Variants in DLD observed in about 807,000 individuals in gnomAD.
DLD encodes the protein dihydrolipoyl dehydrogenase, mitochondrial.
Under a neutral mutation model 62.2 loss-of-function variants are expected in DLD, and 36 were observed. The observed-to-expected ratio is 0.58, with a 90% CI of 0.44 to 0.76. DLD has a LOEUF of 0.76. Among genes scored for constraint, DLD ranks in the 30% least tolerant of loss-of-function variants. The probability of loss-of-function intolerance (pLI) is 0.00; values close to 1 mark genes in which losing one functional copy is unlikely to be tolerated. For missense variants in DLD, 541 were observed against 608.6 expected, an observed-to-expected ratio of 0.89 and a Z score of 1.17; for synonymous variants, 204 against 199.6, an observed-to-expected ratio of 1.02 and a Z score of -0.19.
At chr7:107,917,862 T>G in intron 11 of DLD, 62 bp from the exon 12 acceptor site, 1 of 1,605,944 alleles carries the variant, frequency 6.2e-7, no homozygotes, top group Non-Finnish European at 8.5e-7. Context: ...GGTAGATGAT[T>G]TTACAAATTG....
chr7:107,892,767 C>G (rs902380978), intron 1 of DLD, among the ~76,000 whole-genome samples: 1 of 152,046 alleles, frequency 6.6e-6, no homozygotes, highest in African/African-American at 2.4e-5. Context: ...AGGCTGGTCT[C>G]GAACTCCTGA....
At chr7:107,891,145 AC>A (rs2031555564), upstream of DLD, 1 of 1,414,342 alleles carries the variant, frequency 7.1e-7, no homozygotes, top group Admixed American at 1.8e-5. Flanking sequence ...CCGGGTGATG[AC>A]GTAGGCTGCG....
intron 4 of DLD, 128 bp downstream of exon 4, chr7:107,902,521 G>A: frequency 2.4e-6 from 2 of 828,134 alleles, no homozygotes; most frequent in African/African-American, 1.7e-5. Flanking sequence ...ATTTCACACA[G>A]AGAAAAAAAA....
At chr7:107,917,817 C>A in intron 11 of DLD, 107 bp from the exon 12 acceptor site, 1 of 1,459,738 alleles carries the variant, frequency 6.9e-7, no homozygotes, top group Non-Finnish European at 9.6e-7. Context: ...GCTTTGCGAA[C>A]AATTCCCTTC....
chr7:107,905,107 A>C, intron 6 of DLD, 49 bp downstream of exon 6: 1 of 1,344,026 alleles, frequency 7.4e-7, no homozygotes, highest in African/African-American at 1.4e-5. Flanking sequence ...TACAAATTAA[A>C]CTTTGCATTA....
chr7:107,891,536 G>A (rs1460261057), intron 1 of DLD: 4 of 600,524 alleles, frequency 6.7e-6, no homozygotes, highest in Non-Finnish European at 1.2e-5. Context: ...GTGACGGCCG[G>A]CGGTCACACA....
At chr7:107,893,126 T>C (rs756164521) in intron 1 of DLD, 74 bp from the exon 2 acceptor site, 16 of 1,276,270 alleles carry the variant, frequency 1.3e-5, no homozygotes, top group Non-Finnish European at 1.8e-5. Flanking sequence ...AAAATTGTTC[T>C]GTTATCATCA....
chr7:107,898,825 C>T lies in DLD; in HGVS notation c.119-2913C>T, dbSNP rs186143854. Among the ~76,000 whole-genome samples the T allele has an allele frequency of 5.7e-3, 865 of 151,784 alleles. 6 individuals are homozygous for T. Among genetic ancestry groups the T allele is most frequent in the Non-Finnish European group, 7.2e-3 (489 of 67,924 alleles). ...TCCTGACCTCGTGATCCGCCTGCCT[C>T]GGCCTCCCAAAGTGCTGAGGATTAC... On this transcript the variant is annotated intron_variant, in intron 2 of 13. Coordinates refer to ENST00000205402, the MANE Select transcript of DLD (RefSeq NM_000108.5).
At chr7:107,903,320 G>T (rs761240576) in intron 4 of DLD, among the ~76,000 whole-genome samples, 158 bp from the exon 5 acceptor site, 5 of 152,212 alleles carry the variant, frequency 3.3e-5, no homozygotes, top group Non-Finnish European at 7.3e-5. Context: ...GGAGGTTGCG[G>T]TGAGCTGAGA....
At chr7:107,914,146 T>C (rs928736462) in intron 8 of DLD, among the ~76,000 whole-genome samples, 2 of 152,148 alleles carry the variant, frequency 1.3e-5, no homozygotes, top group Non-Finnish European at 2.9e-5. Context: ...TAGATTTCTC[T>C]AATGACTTAC....
Position 107,907,204 on chromosome 7 carries a change from G to A in DLD, c.684+836G>A, listed in dbSNP as rs117932387. ...TATCTGCTTGGCAAAACTCTAGTTC[G>A]GTTTGAATGCAGCAGTCTGCCTTTT... On this transcript the variant is annotated intron_variant, in intron 8 of 13. Transcript: ENST00000205402. Among the ~76,000 whole-genome samples the A allele has an allele frequency of 7.8e-4, 119 of 152,190 alleles. No homozygotes were observed. In the East Asian group the frequency reaches 0.017, roughly 22 times the overall value.
rs765771763 is a variant in DLD at position 107,917,917 on chromosome 7, G to A, written c.1237-7G>A. The A allele has an allele frequency of 5.0e-6, 8 of 1,613,868 alleles. No homozygotes were observed. Among genetic ancestry groups the A allele is most frequent in the Non-Finnish European group, 6.8e-6 (8 of 1,179,852 alleles). ...TTACGTAGATTCTTTTTTTCTGACT[G>A]TCACAGGGTATTGAGTACAAAGTTG... On this transcript the variant is annotated splice_polypyrimidine_tract_variant and splice_region_variant and intron_variant, in intron 11 of 13. Transcript: ENST00000205402.
Position 107,905,076 on chromosome 7 carries a change from A to G in DLD, c.438+18A>G. ...AGAATAAGGTCAGTGTTTAATATTC[A>G]GATTTCTGCTTTACTTTGAATACAA... On this transcript the variant is annotated intron_variant, in intron 6 of 13. Transcript: ENST00000205402. The G allele has an allele frequency of 6.5e-7, 1 of 1,541,618 alleles. No individual in the cohort carries two copies. Among genetic ancestry groups the G allele is most frequent in the Non-Finnish European group, 9.0e-7 (1 of 1,116,096 alleles).
At chr7:107,906,571 T>C (rs1194330425) in intron 8 of DLD, among the ~76,000 whole-genome samples, 5 of 152,234 alleles carry the variant, frequency 3.3e-5, no homozygotes, top group Non-Finnish European at 7.3e-5. Context: ...TCCTTTATTT[T>C]AGTCTGTTTC....
At chr7:107,898,901 C>T (rs1198377015) in intron 2 of DLD, among the ~76,000 whole-genome samples, 1 of 152,116 alleles carries the variant, frequency 6.6e-6, no homozygotes, top group Non-Finnish European at 1.5e-5. Flanking sequence ...ATGTATGGGA[C>T]TCAACCTGTG....
intron 8 of DLD, among the ~76,000 whole-genome samples, chr7:107,911,908 C>T (rs76242366): frequency 0.011 from 1,745 of 152,026 alleles, 33 homozygotes; most frequent in African/African-American, 0.04. Context: ...CCTGCATTAA[C>T]ACCAGCTCTT....
Position 107,901,721 on chromosome 7 carries a change from A to G in DLD, c.119-17A>G. 1.2e-6 allele frequency: 2 copies of G among 1,607,780 alleles called. No individual in the cohort carries two copies. Among genetic ancestry groups the G allele is most frequent in the Non-Finnish European group, 8.5e-7 (1 of 1,174,406 alleles). ...TTAAGCAATTTACTATTTTATATCA[A>G]TTTGCTTTTATCGTAGTTGATGCTG... On this transcript the variant is annotated splice_polypyrimidine_tract_variant and intron_variant, in intron 2 of 13. Transcript: ENST00000205402.
At position 107,911,759 on chromosome 7, in the gene DLD, T is replaced by A. The variant is rs12672209; in HGVS notation, c.685-3747T>A. Among the ~76,000 whole-genome samples the A allele has an allele frequency of 6.2e-3, 942 of 152,266 alleles. 53 individuals are homozygous for A. The East Asian group carries it at 0.13, about 21-fold the overall frequency. ...TGTACTTTTTTCAAGGTACATGTGATAATTTGATATATTCATATAATTAAA... is the reference window on the plus strand; with the variant it reads ...TGTACTTTTTTCAAGGTACATGTGAAAATTTGATATATTCATATAATTAAA... On this transcript the variant is annotated intron_variant, in intron 8 of 13. Coordinates refer to ENST00000205402, the MANE Select transcript of DLD (RefSeq NM_000108.5).
chr7:107,916,980 G>T lies in DLD; in HGVS notation c.1046+16G>T, dbSNP rs766014238. 1.5e-5 allele frequency: 24 copies of T among 1,611,564 alleles called. No homozygotes were observed. The highest frequency in any genetic ancestry group is 2.0e-5 in the Non-Finnish European group (24 of 1,178,106). On this transcript the variant is annotated intron_variant, in intron 10 of 13. Coordinates refer to ENST00000205402, the MANE Select transcript of DLD (RefSeq NM_000108.5). ...AAATTCCAAAGTAAGTTGGATAATT[G>T]TCTGCATTTTCAGTAATTTTAAAAT...
Sources: allele counts gnomAD v4.1 joint callset (sites outside exome capture counted in the v4.1 genomes callset), GRCh38; gene constraint gnomAD v4.1.1; transcripts MANE v1.5; gene names NCBI Gene and HGNC (gene_info 2026-07-23, HGNC 2026-07-21).